CNTNAP2: variants seen among roughly 807,000 people sequenced by gnomAD.
CNTNAP2 encodes the protein contactin associated protein 2, also known as contactin-associated protein-like 2.
In CNTNAP2, 98 loss-of-function variants were observed where a neutral mutation model predicts 155.2. The ratio of observed to expected loss-of-function variants is 0.63; its 90% CI spans 0.54 to 0.75. The LOEUF (loss-of-function observed/expected upper bound fraction) is 0.75. Among genes scored for constraint, CNTNAP2 ranks in the 30% least tolerant of loss-of-function variants. The pLI is 0.00. For synonymous variants in CNTNAP2, 651 were observed against 631.2 expected, an observed-to-expected ratio of 1.03 and a Z score of -0.47; for missense variants, 1,727 against 1,688.1, an observed-to-expected ratio of 1.02 and a Z score of -0.40.
intron 8 of CNTNAP2, among the ~76,000 whole-genome samples, chr7:147,191,509 G>A (rs985366068): frequency 6.6e-6 from 1 of 152,066 alleles, no homozygotes; most frequent in African/African-American, 2.4e-5. Flanking sequence ...TTTCCTGGTG[G>A]CATGTGGTAT....
chr7:146,765,254 G>A lies in CNTNAP2; in HGVS notation c.98-9017G>A, dbSNP rs113607890. Among the ~76,000 whole-genome samples the A allele has an allele frequency of 8.7e-3, 1,322 of 152,220 alleles. 21 individuals are homozygous for A. Among genetic ancestry groups the A allele is most frequent in the African/African-American group, 0.03 (1,240 of 41,534 alleles). ...TTAGACAAACCCTCTATATAATTCAGGGGTTCCAAATTACAAGTCATTTTA... is the reference window on the plus strand; with the variant it reads ...TTAGACAAACCCTCTATATAATTCAAGGGTTCCAAATTACAAGTCATTTTA... On this transcript the variant is annotated intron_variant, in intron 1 of 23. Coordinates refer to ENST00000361727, the MANE Select transcript of CNTNAP2 (RefSeq NM_014141.6).
chr7:148,291,394 G>T (rs1402003451), intron 21 of CNTNAP2, among the ~76,000 whole-genome samples: 3 of 151,904 alleles, frequency 2.0e-5, no homozygotes, highest in Non-Finnish European at 2.9e-5. Context: ...GAAGAGCAAG[G>T]AGAGACAGTC....
intron 14 of CNTNAP2, among the ~76,000 whole-genome samples, chr7:147,932,835 AATAT>A (rs1800530609): frequency 6.6e-6 from 1 of 152,200 alleles, no homozygotes; most frequent in Non-Finnish European, 1.5e-5. Context: ...TAATTTCCAA[AATAT>A]ATAAGGAACT....
chr7:148,244,608 G>T (rs1187784648), intron 20 of CNTNAP2, among the ~76,000 whole-genome samples: 1 of 151,120 alleles, frequency 6.6e-6, no homozygotes, highest in Admixed American at 6.6e-5. Context: ...TGTCCCCCAG[G>T]CTGGAGTGTA....
chr7:146,933,900 C>G (rs1796846325), intron 3 of CNTNAP2, among the ~76,000 whole-genome samples: 1 of 151,712 alleles, frequency 6.6e-6, no homozygotes, highest in East Asian at 1.9e-4. Flanking sequence ...GATACCATCT[C>G]ACACCAGTTA....
chr7:147,093,835 G>A (rs148083821), intron 4 of CNTNAP2, among the ~76,000 whole-genome samples: 5 of 152,260 alleles, frequency 3.3e-5, no homozygotes, highest in Admixed American at 6.5e-5. Context: ...AATCAAACAA[G>A]TTGTGTACTT....
rs538746510 is a variant in CNTNAP2, at chr7:146,344,573, A to AG, written c.97+227601dup. Among the ~76,000 whole-genome samples, 526 of 151,762 alleles carry AG rather than the reference A, an allele frequency of 3.5e-3. 4 individuals are homozygous for AG. Among genetic ancestry groups the AG allele is most frequent in the African/African-American group, 0.012 (507 of 41,344 alleles). ...CGGCTCACTTCAACCTCTGCCCCCA[A>AG]GTTCAAGCCATTCTCTTGCCTCAGC... On this transcript the variant is annotated intron_variant, in intron 1 of 23. Transcript: ENST00000361727.
chr7:148,224,670 C>T (rs1795814079), intron 19 of CNTNAP2, among the ~76,000 whole-genome samples: 1 of 152,182 alleles, frequency 6.6e-6, no homozygotes, highest in Non-Finnish European at 1.5e-5. Flanking sequence ...AGACTGTATT[C>T]ATCTGTTCTC....
At chr7:146,830,093 C>T (rs1803481989) in intron 2 of CNTNAP2, among the ~76,000 whole-genome samples, 1 of 151,950 alleles carries the variant, frequency 6.6e-6, no homozygotes, top group Non-Finnish European at 1.5e-5. Context: ...TCTCTGATTC[C>T]TGCCTTTTGA....
chr7:146,266,139 A>T (rs1314540448), intron 1 of CNTNAP2, among the ~76,000 whole-genome samples: 3 of 152,180 alleles, frequency 2.0e-5, no homozygotes, highest in Non-Finnish European at 4.4e-5. Context: ...TAATGCAAGG[A>T]GAGAAGATTA....
In CNTNAP2 at chr7:146,395,798, T is replaced by G. The variant is rs1444465416; in HGVS notation, c.97+278825T>G. 1.9e-3 allele frequency among the ~76,000 whole-genome samples: 261 copies of G among 139,792 alleles called. 1 individual carries two copies. Among genetic ancestry groups the G allele is most frequent in the African/African-American group, 7.0e-3 (232 of 33,300 alleles). The allele number at this position is 139,792 out of a possible 152,430, so 91.7% of individuals were successfully genotyped here. A position where few individuals can be genotyped will look rare whatever the true frequency, so the allele number is the denominator to read the frequency against. ...GACAGATGATAGATAGATAGATAGA[T>G]AGATAGATAGATAGATAGATAGATA... On this transcript the variant is annotated intron_variant, in intron 1 of 23. Coordinates refer to ENST00000361727, the MANE Select transcript of CNTNAP2 (RefSeq NM_014141.6).
chr7:148,343,883 C>G (rs138124521), intron 21 of CNTNAP2, among the ~76,000 whole-genome samples: 1 of 152,144 alleles, frequency 6.6e-6, no homozygotes, highest in Non-Finnish European at 1.5e-5. Flanking sequence ...GGTTCTGAAA[C>G]TGGTGAAATG....
intron 1 of CNTNAP2, among the ~76,000 whole-genome samples, chr7:146,235,546 G>A (rs542395230): frequency 1.3e-5 from 2 of 152,282 alleles, no homozygotes; most frequent in South Asian, 4.1e-4. Flanking sequence ...ATCCCACTGG[G>A]AAACTGAGAA....
At chr7:148,388,372 C>T (rs1319638930) in intron 22 of CNTNAP2, among the ~76,000 whole-genome samples, 1 of 147,886 alleles carries the variant, frequency 6.8e-6, no homozygotes, top group Non-Finnish European at 1.5e-5. Flanking sequence ...TCAATTCCCA[C>T]CTATGAGTGA....
intron 1 of CNTNAP2, among the ~76,000 whole-genome samples, chr7:146,644,790 G>C (rs1187956657): frequency 1.3e-5 from 2 of 152,138 alleles, no homozygotes; most frequent in Non-Finnish European, 2.9e-5. Context: ...GGAAGAAGTT[G>C]ACTCTCTGAA....
At chr7:146,206,287 C>T (rs1935893842) in intron 1 of CNTNAP2, among the ~76,000 whole-genome samples, 1 of 151,694 alleles carries the variant, frequency 6.6e-6, no homozygotes, top group African/African-American at 2.4e-5. Context: ...GAATAAATTG[C>T]TAGAAGAAAA....
chr7:146,976,297 C>G (rs1017538633), intron 3 of CNTNAP2, among the ~76,000 whole-genome samples: 2 of 152,136 alleles, frequency 1.3e-5, no homozygotes, highest in African/African-American at 4.8e-5. Context: ...TGACTGTCCT[C>G]CAGCCCAGTT....
At chr7:146,140,363 C>T (rs1797859651) in intron 1 of CNTNAP2, among the ~76,000 whole-genome samples, 1 of 152,052 alleles carries the variant, frequency 6.6e-6, no homozygotes, top group South Asian at 2.1e-4. Flanking sequence ...TGATGCCATC[C>T]TCTGCCATGC....
At chr7:146,998,911 G>C (rs1437937056) in intron 3 of CNTNAP2, among the ~76,000 whole-genome samples, 1 of 151,648 alleles carries the variant, frequency 6.6e-6, no homozygotes, top group Non-Finnish European at 1.5e-5. Context: ...GTCTCTTGTA[G>C]TGCATTTCAA....
Sources: allele counts gnomAD v4.1 joint callset (sites outside exome capture counted in the v4.1 genomes callset), GRCh38; gene constraint gnomAD v4.1.1; transcripts MANE v1.5; gene names NCBI Gene and HGNC (gene_info 2026-07-23, HGNC 2026-07-21).